The following CDH20 variants were observed in gnomAD, a reference collection of about 807,000 sequenced individuals.
CDH20 encodes the protein cadherin-20.
In CDH20, 29 loss-of-function variants were observed where a neutral mutation model predicts 74.2. That is an observed-to-expected ratio of 0.39 (90% confidence interval 0.29 to 0.53). The LOEUF (loss-of-function observed/expected upper bound fraction) is 0.53, where lower values mean the gene tolerates loss of function less well. Ranked by LOEUF, CDH20 falls within the 20% of genes least tolerant of loss-of-function variation. The probability of loss-of-function intolerance (pLI) is 0.69; values close to 1 mark genes in which losing one functional copy is unlikely to be tolerated. For missense variants in CDH20, 988 were observed against 1,048.3 expected (o/e 0.94, Z 0.79); for synonymous variants, 469 against 405.4 (o/e 1.16, Z -1.88).
At chr18:61,350,139 C>T (rs191735759) in intron 1 of CDH20, among the ~76,000 whole-genome samples, 164 of 152,192 alleles carry the variant, frequency 1.1e-3, no homozygotes, top group African/African-American at 3.5e-3. Context: ...TCTCTCCCTG[C>T]TAAACTGCCT....
At chr18:61,502,013 A>C (rs1464339532) in intron 4 of CDH20, among the ~76,000 whole-genome samples, 1 of 152,204 alleles carries the variant, frequency 6.6e-6, no homozygotes, top group Admixed American at 6.5e-5. Context: ...ACAATGCAAT[A>C]TATACATTAT....
chr18:61,402,515 A>G (rs1308884944), intron 1 of CDH20, among the ~76,000 whole-genome samples: 1 of 152,210 alleles, frequency 6.6e-6, no homozygotes, highest in African/African-American at 2.4e-5. Flanking sequence ...CTCTTTATGA[A>G]CCAGATTTTC....
intron 1 of CDH20, among the ~76,000 whole-genome samples, chr18:61,415,856 T>C (rs1033418063): frequency 2.6e-5 from 4 of 152,174 alleles, no homozygotes; most frequent in South Asian, 2.1e-4. Flanking sequence ...AAAAATGATA[T>C]AATACTTTGG....
intron 1 of CDH20, among the ~76,000 whole-genome samples, chr18:61,390,057 G>C (rs74637108): frequency 3.3e-5 from 5 of 151,922 alleles, no homozygotes; most frequent in Admixed American, 1.3e-4. Flanking sequence ...GGAAAGACTC[G>C]TCTGCAGTCA....
At chr18:61,415,383 T>A (rs1009140982) in intron 1 of CDH20, among the ~76,000 whole-genome samples, 10 of 152,222 alleles carry the variant, frequency 6.6e-5, no homozygotes, top group Admixed American at 6.5e-4. Context: ...AAGTAAATGC[T>A]GGAGCACAGG....
intron 9 of CDH20, among the ~76,000 whole-genome samples, chr18:61,541,720 C>A (rs1185831768): frequency 3.3e-5 from 5 of 152,178 alleles, no homozygotes; most frequent in Non-Finnish European, 5.9e-5. Context: ...TATCGGGCCT[C>A]CTTGTGTTTA....
At chr18:61,551,859 T>C (rs1012036735) in intron 11 of CDH20, among the ~76,000 whole-genome samples, 5 of 152,210 alleles carry the variant, frequency 3.3e-5, no homozygotes, top group Non-Finnish European at 7.3e-5. Flanking sequence ...AAGCCATCAT[T>C]ACAGAAATAC....
chr18:61,392,180 A>T (rs1215332009), intron 1 of CDH20, among the ~76,000 whole-genome samples: 1 of 75,056 alleles, frequency 1.3e-5, no homozygotes, highest in African/African-American at 5.0e-5. Flanking sequence ...CTCCCACCCC[A>T]CCCCACCCCC....
intron 4 of CDH20, among the ~76,000 whole-genome samples, chr18:61,502,002 T>C (rs1442484259): frequency 2.0e-5 from 3 of 152,198 alleles, no homozygotes; most frequent in Admixed American, 1.3e-4. Flanking sequence ...AATGTTATAC[T>C]ACAATGCAAT....
chr18:61,438,894 T>C (rs1389104938), intron 1 of CDH20, among the ~76,000 whole-genome samples: 6 of 152,152 alleles, frequency 3.9e-5, no homozygotes, highest in Non-Finnish European at 7.4e-5. Context: ...GAAAATGTGG[T>C]ACATATGCCA....
chr18:61,337,565 C>A (rs899752582), intron 1 of CDH20, among the ~76,000 whole-genome samples: 1 of 152,128 alleles, frequency 6.6e-6, no homozygotes, highest in Non-Finnish European at 1.5e-5. Flanking sequence ...ATTGAAGAAA[C>A]AACCTCCTCT....
At chr18:61,337,457 T>C (rs1909795951) in intron 1 of CDH20, among the ~76,000 whole-genome samples, 1 of 152,236 alleles carries the variant, frequency 6.6e-6, no homozygotes, top group South Asian at 2.1e-4. Flanking sequence ...CAATACTTTT[T>C]TCTCGGACAT....
chr18:61,347,442 C>G (rs1041909653), intron 1 of CDH20, among the ~76,000 whole-genome samples: 5 of 149,886 alleles, frequency 3.3e-5, no homozygotes, highest in Non-Finnish European at 5.9e-5. Context: ...ATCACTTGAA[C>G]TTGGGAGGTG....
chr18:61,355,114 A>C (rs1300698065), intron 1 of CDH20, among the ~76,000 whole-genome samples: 2 of 152,222 alleles, frequency 1.3e-5, no homozygotes, highest in African/African-American at 4.8e-5. Context: ...ACATTCAATA[A>C]TCTGTTAATA....
chr18:61,511,689 C>G (rs568357100), intron 6 of CDH20, among the ~76,000 whole-genome samples: 1 of 152,114 alleles, frequency 6.6e-6, no homozygotes, highest in South Asian at 2.1e-4. Flanking sequence ...AGTCTATTAC[C>G]TGTAACAACT....
At chr18:61,481,010 TA>T (rs1910570227) in intron 1 of CDH20, among the ~76,000 whole-genome samples, 1 of 152,182 alleles carries the variant, frequency 6.6e-6, no homozygotes, top group Non-Finnish European at 1.5e-5. Context: ...TAAATCAAAG[TA>T]AAAGCTTGAA....
chr18:61,471,424 G>A (rs1910172444), intron 1 of CDH20, among the ~76,000 whole-genome samples: 1 of 152,138 alleles, frequency 6.6e-6, no homozygotes, highest in East Asian at 1.9e-4. Context: ...TATTTCAAAG[G>A]ATAAGTAATA....
At chr18:61,351,513 T>A (rs970923693) in intron 1 of CDH20, among the ~76,000 whole-genome samples, 9 of 152,166 alleles carry the variant, frequency 5.9e-5, no homozygotes, top group African/African-American at 2.2e-4. Flanking sequence ...TATAAAACAT[T>A]TTGTACCTTG....
At chr18:61,418,399 A>C (rs1324821303) in intron 1 of CDH20, among the ~76,000 whole-genome samples, 2 of 151,864 alleles carry the variant, frequency 1.3e-5, no homozygotes, top group African/African-American at 4.8e-5. Flanking sequence ...CTAAAAATAC[A>C]AAAAATTAGC....
Sources: gnomAD v4.1 joint callset for allele counts (sites outside exome capture counted in the v4.1 genomes callset) on GRCh38, gnomAD v4.1.1 for gene constraint, MANE v1.5 for transcripts, NCBI Gene and HGNC (gene_info 2026-07-23, HGNC 2026-07-21) for gene names.